Variants in ANKS1B observed in about 807,000 individuals in gnomAD.
ANKS1B encodes the protein ankyrin repeat and sterile alpha motif domain containing 1B.
ANKS1B carries 36 observed loss-of-function variants against 148.3 expected under a neutral mutation model. The observed-to-expected ratio is 0.24, with a 90% CI of 0.19 to 0.32. The LOEUF (loss-of-function observed/expected upper bound fraction) is 0.32, where lower values mean the gene tolerates loss of function less well. Ranked by LOEUF, ANKS1B falls within the 10% of genes least tolerant of loss-of-function variation. The pLI, the probability that ANKS1B is intolerant of heterozygous loss-of-function variation, is 1.00. For synonymous variants in ANKS1B, 542 were observed against 560.8 expected, an observed-to-expected ratio of 0.97 and a Z score of 0.47; for missense variants, 1,157 against 1,542.6, an observed-to-expected ratio of 0.75 and a Z score of 4.19.
intron 9 of ANKS1B, chr12:99,649,532 T>C (rs916329587): frequency 9.0e-6 from 6 of 663,204 alleles, no homozygotes; most frequent in African/African-American, 5.4e-5. Flanking sequence ...ACAGGTACCA[T>C]GGATGTGGCT....
At chr12:99,814,998 A>G (rs570482292) in intron 2 of ANKS1B, among the ~76,000 whole-genome samples, 4 of 151,804 alleles carry the variant, frequency 2.6e-5, no homozygotes, top group Non-Finnish European at 5.9e-5. Flanking sequence ...TTACTGTCAA[A>G]GACAACTGTG....
At chr12:99,142,683 T>C (rs2071366910) in intron 15 of ANKS1B, among the ~76,000 whole-genome samples, 1 of 152,152 alleles carries the variant, frequency 6.6e-6, no homozygotes, top group Non-Finnish European at 1.5e-5. Flanking sequence ...TGTTCTTCTT[T>C]CCACTATATT....
At chr12:99,377,157 G>A (rs1211558052) in intron 12 of ANKS1B, among the ~76,000 whole-genome samples, 2 of 151,852 alleles carry the variant, frequency 1.3e-5, no homozygotes, top group East Asian at 1.9e-4. Flanking sequence ...ACAGTCGCGC[G>A]TGACCAGGCC....
chr12:99,083,914 C>T (rs1342612224), intron 16 of ANKS1B: 1 of 152,122 alleles, frequency 6.6e-6, no homozygotes, highest in Non-Finnish European at 1.5e-5. Flanking sequence ...ATCTGAAATG[C>T]ATTTTCCTTT....
chr12:98,744,264 T>G lies in ANKS1B; in HGVS notation c.*1475A>C. ...GTATTAAAATTCTTCAACACTGAAC[T>G]AAAACCGTATACATTTGTTAGTTTG... On this transcript the variant is annotated 3_prime_UTR_variant, in exon 27 of 27. Transcript: ENST00000683438. 1.1e-6 allele frequency: 1 copy of G among 941,182 alleles called. No homozygotes were observed. Among genetic ancestry groups the G allele is most frequent in the Non-Finnish European group, 1.3e-6 (1 of 789,278 alleles). The allele number at this position is 941,182 out of a possible 1,614,324, so 58.3% of individuals were successfully genotyped here. A position where few individuals can be genotyped will look rare whatever the true frequency, so the allele number is the denominator to read the frequency against.
intron 14 of ANKS1B, among the ~76,000 whole-genome samples, chr12:99,242,627 A>G (rs558902831): frequency 2.0e-5 from 3 of 152,230 alleles, no homozygotes; most frequent in Non-Finnish European, 4.4e-5. Context: ...GCATCATGCT[A>G]TCTGACTTCA....
At chr12:99,071,481 C>T (rs1026030525) in intron 16 of ANKS1B, among the ~76,000 whole-genome samples, 15 of 152,158 alleles carry the variant, frequency 9.9e-5, no homozygotes, top group East Asian at 7.7e-4. Context: ...AATCACAATG[C>T]CTTTAGCAAC....
intron 1 of ANKS1B, among the ~76,000 whole-genome samples, chr12:99,831,986 C>A (rs994908681): frequency 6.6e-6 from 1 of 152,106 alleles, no homozygotes; most frequent in Non-Finnish European, 1.5e-5. Flanking sequence ...CTGTGGCTAG[C>A]AAAGAGCAAA....
At chr12:98,805,243 T>C (rs1487785307) in intron 20 of ANKS1B, among the ~76,000 whole-genome samples, 1 of 152,158 alleles carries the variant, frequency 6.6e-6, no homozygotes, top group African/African-American at 2.4e-5. Context: ...CCAAGAATTT[T>C]GTCATGGCTT....
downstream of ANKS1B, among the ~76,000 whole-genome samples, chr12:98,742,291 G>A (rs999228654): frequency 1.3e-5 from 2 of 151,586 alleles, no homozygotes; most frequent in African/African-American, 4.8e-5. Flanking sequence ...TGATGTGTAA[G>A]TCTTCACAGC....
intron 9 of ANKS1B, chr12:99,648,098 G>A: frequency 1.3e-6 from 2 of 1,534,890 alleles, no homozygotes; most frequent in Non-Finnish European, 1.8e-6. Context: ...AGTAGCCAAG[G>A]AAACAGGATG....
chr12:99,510,368 G>C (rs1312130021), intron 9 of ANKS1B, among the ~76,000 whole-genome samples: 1 of 151,962 alleles, frequency 6.6e-6, no homozygotes, highest in Non-Finnish European at 1.5e-5. Flanking sequence ...CATTCTAGAT[G>C]CCATTCAGAA....
intron 17 of ANKS1B, among the ~76,000 whole-genome samples, chr12:99,048,433 T>C (rs1380622612): frequency 6.6e-6 from 1 of 152,246 alleles, no homozygotes; most frequent in East Asian, 1.9e-4. Context: ...CTGATATCAA[T>C]GCTTTAATAA....
At chr12:99,331,524 T>A (rs2087559643) in intron 12 of ANKS1B, among the ~76,000 whole-genome samples, 1 of 151,942 alleles carries the variant, frequency 6.6e-6, no homozygotes, top group African/African-American at 2.4e-5. Context: ...CACCCTACAG[T>A]TTAAAATCCT....
chr12:99,289,732 A>T (rs767450143), intron 12 of ANKS1B, among the ~76,000 whole-genome samples: 3 of 152,040 alleles, frequency 2.0e-5, no homozygotes, highest in Non-Finnish European at 4.4e-5. Context: ...ATGAAAATGG[A>T]AACACAACAT....
chr12:99,742,595 G>A (rs2060225360), intron 8 of ANKS1B, among the ~76,000 whole-genome samples: 1 of 151,656 alleles, frequency 6.6e-6, no homozygotes, highest in African/African-American at 2.4e-5. Flanking sequence ...AGCACTTTGG[G>A]AGGCCAAGGC....
intron 8 of ANKS1B, among the ~76,000 whole-genome samples, chr12:99,732,864 T>C (rs539384267): frequency 1.3e-5 from 2 of 152,338 alleles, no homozygotes; most frequent in Non-Finnish European, 2.9e-5. Context: ...TATCAGAGAT[T>C]CTGAAATTAT....
chr12:99,616,929 A>C (rs1272669494), intron 9 of ANKS1B, among the ~76,000 whole-genome samples: 1 of 152,192 alleles, frequency 6.6e-6, no homozygotes, highest in African/African-American at 2.4e-5. Flanking sequence ...ACAAGAACTT[A>C]AACAAATTTA....
chr12:99,446,468 C>T (rs950363713), intron 10 of ANKS1B, among the ~76,000 whole-genome samples: 2 of 151,996 alleles, frequency 1.3e-5, no homozygotes, highest in African/African-American at 2.4e-5. Flanking sequence ...TCATTTAATA[C>T]CCAAATTAAC....
Sources: allele counts gnomAD v4.1 joint callset (sites outside exome capture counted in the v4.1 genomes callset), GRCh38; gene constraint gnomAD v4.1.1; transcripts MANE v1.5; gene names NCBI Gene and HGNC (gene_info 2026-07-23, HGNC 2026-07-21).